The following PKP4 variants were observed in gnomAD, a reference collection of about 807,000 sequenced individuals.
PKP4 encodes the protein plakophilin 4.
A neutral mutation model predicts 145.1 loss-of-function variants in PKP4; 90 were observed. That is an observed-to-expected ratio of 0.62 (90% CI 0.52 to 0.74). PKP4 has a LOEUF of 0.74. PKP4 is among the 30% of genes least tolerant of loss of function. PKP4 has a pLI of 0.00. For missense variants in PKP4, 1,340 were observed against 1,482.7 expected (o/e 0.90, Z 1.58); for synonymous variants, 563 against 577.2 (o/e 0.98, Z 0.35).
chr2:158,574,313 C>A (rs2047660788), intron 2 of PKP4, among the ~76,000 whole-genome samples: 2 of 152,138 alleles, frequency 1.3e-5, no homozygotes, highest in Non-Finnish European at 2.9e-5. Flanking sequence ...TATAAGCTCC[C>A]CCTATAATTA....
chr2:158,484,039 T>C lies in PKP4; in HGVS notation c.-6+26821T>C, dbSNP rs867907046. Among the ~76,000 whole-genome samples the C allele has an allele frequency of 7.0e-3, 1,014 of 145,718 alleles. 10 individuals are homozygous for C. Among genetic ancestry groups the C allele is most frequent in the African/African-American group, 0.024 (945 of 39,734 alleles). On this transcript the variant is annotated intron_variant, in intron 1 of 21. Transcript: ENST00000389759. ...TGCACATTTTTTCTTTTTCTTTTTT[T>C]TTTTTTTTTTTTTGAGACGGAGTCT...
intron 1 of PKP4, among the ~76,000 whole-genome samples, chr2:158,470,156 C>T (rs184787085): frequency 7.7e-4 from 118 of 152,326 alleles, no homozygotes; most frequent in Non-Finnish European, 1.5e-3. Flanking sequence ...TCTCATGTAG[C>T]AGTATTCCTA....
chr2:158,522,830 G>A (rs555883180), intron 1 of PKP4, among the ~76,000 whole-genome samples: 4 of 152,348 alleles, frequency 2.6e-5, no homozygotes, highest in Admixed American at 2.6e-4. Flanking sequence ...AAGCGCAAGG[G>A]GTCAGGGAGT....
rs148833479 is a variant in PKP4, at chr2:158,541,499, T to C, written c.132+8183T>C. ...TTTATGTACCCAAACCTTAATAATG[T>C]AGGAGTTACACAAAGTAGAAGCAGT... On this transcript the variant is annotated intron_variant, in intron 2 of 21. Transcript: ENST00000389759. Among the ~76,000 whole-genome samples the C allele has an allele frequency of 3.6e-3, 541 of 152,202 alleles. 2 individuals are homozygous for C. Among genetic ancestry groups the C allele is most frequent in the Non-Finnish European group, 5.2e-3 (352 of 67,970 alleles).
At chr2:158,657,062 G>A (rs540888749) in intron 11 of PKP4, among the ~76,000 whole-genome samples, 1 of 152,306 alleles carries the variant, frequency 6.6e-6, no homozygotes, top group Non-Finnish European at 1.5e-5. Context: ...GTTTTTGTGT[G>A]TTGGTAGTTG....
intron 2 of PKP4, 46 bp downstream of exon 2, chr2:158,533,362 C>T (rs1442601643): frequency 1.2e-6 from 2 of 1,601,196 alleles, no homozygotes; most frequent in East Asian, 2.2e-5. Flanking sequence ...TCTTTAATGC[C>T]TTTAAAAAAT....
chr2:158,493,167 G>A (rs1695194121), intron 1 of PKP4, among the ~76,000 whole-genome samples: 1 of 151,638 alleles, frequency 6.6e-6, no homozygotes, highest in African/African-American at 2.4e-5. Context: ...ATTAATTTTA[G>A]ATATTATCTA....
chr2:158,592,843 A>G (rs2049390896), intron 3 of PKP4, among the ~76,000 whole-genome samples: 1 of 152,156 alleles, frequency 6.6e-6, no homozygotes, highest in African/African-American at 2.4e-5. Flanking sequence ...ATTAAATTGT[A>G]TGCATCAAAT....
At chr2:158,628,848 C>T (rs2053068193) in intron 7 of PKP4, among the ~76,000 whole-genome samples, 2 of 152,112 alleles carry the variant, frequency 1.3e-5, no homozygotes, top group Non-Finnish European at 2.9e-5. Flanking sequence ...AGGACTCAAC[C>T]GATGTCAGAA....
intron 14 of PKP4, 21 bp from the exon 15 acceptor site, chr2:158,663,251 C>T (rs1449473233): frequency 5.0e-6 from 8 of 1,606,964 alleles, no homozygotes; most frequent in South Asian, 4.4e-5. Context: ...CTCCATTTAA[C>T]GTGTGCTGTT....
At position 158,577,315 on chromosome 2, in the gene PKP4, G is replaced by A. The variant is rs1574578397; in HGVS notation, c.177G>A (p.Arg59=). 8.1e-6 allele frequency: 13 copies of A among 1,613,548 alleles called. No homozygotes were observed. Among genetic ancestry groups the A allele is most frequent in the Non-Finnish European group, 1.0e-5 (12 of 1,179,864 alleles). The change falls in exon 3 of 22, where the codon AGG becomes AGA. Residue 59 remains arginine, a synonymous_variant. Transcript: ENST00000389759. ...TCACCCGAGAACTGGAAGTGGAAAG[G>A]CAGATTGTTGCCAGTCAGCTAGAAA... is the stretch of plus-strand genomic sequence containing the variant. The part of the protein sequence containing the change: ...QRLTRELEVE[R]QIVASQLERC...
chr2:158,559,028 G>GT (rs955277999), intron 2 of PKP4, among the ~76,000 whole-genome samples: 1 of 152,204 alleles, frequency 6.6e-6, no homozygotes, highest in Admixed American at 6.5e-5. Context: ...TGTTGGGTTA[G>GT]TTTTTTCTCT....
chr2:158,626,795 T>G (rs2052838067), intron 7 of PKP4, among the ~76,000 whole-genome samples: 1 of 152,220 alleles, frequency 6.6e-6, no homozygotes, highest in African/African-American at 2.4e-5. Context: ...ATCAACGACT[T>G]TATTTCATTT....
intron 1 of PKP4, among the ~76,000 whole-genome samples, chr2:158,516,042 CTTTTT>C (rs10719242): frequency 7.1e-6 from 1 of 141,150 alleles, no homozygotes. Flanking sequence ...GAGAATCCAT[CTTTTT>C]TTTTTTTTTT....
chr2:158,569,076 T>C (rs2047222188), intron 2 of PKP4, among the ~76,000 whole-genome samples: 1 of 152,214 alleles, frequency 6.6e-6, no homozygotes. Flanking sequence ...TAAAAAGCTT[T>C]TCTTGTGTAT....
At chr2:158,591,802 T>C (rs1235452240) in intron 3 of PKP4, among the ~76,000 whole-genome samples, 1 of 152,096 alleles carries the variant, frequency 6.6e-6, no homozygotes, top group Non-Finnish European at 1.5e-5. Flanking sequence ...ATGTAATACC[T>C]TTCCTATCAA....
chr2:158,516,133 A>G (rs949303599), intron 1 of PKP4, among the ~76,000 whole-genome samples: 3 of 148,810 alleles, frequency 2.0e-5, no homozygotes, highest in Admixed American at 6.7e-5. Context: ...TCTTTTTTTC[A>G]TGATTTCTCG....
At chr2:158,509,674 G>A (rs773049318) in intron 1 of PKP4, among the ~76,000 whole-genome samples, 6 of 152,186 alleles carry the variant, frequency 3.9e-5, no homozygotes, top group Non-Finnish European at 8.8e-5. Context: ...TGGGCCGGGC[G>A]CGGTGGCTCA....
intron 1 of PKP4, among the ~76,000 whole-genome samples, chr2:158,490,574 G>A (rs548820337): frequency 2.0e-5 from 3 of 152,288 alleles, no homozygotes; most frequent in South Asian, 4.1e-4. Flanking sequence ...TTAGAAAGGG[G>A]AAATAGCAAG....
Sources: allele counts gnomAD v4.1 joint callset (sites outside exome capture counted in the v4.1 genomes callset), GRCh38; gene constraint gnomAD v4.1.1; transcripts MANE v1.5; gene names NCBI Gene and HGNC (gene_info 2026-07-23, HGNC 2026-07-21).